CUL1: variants seen among roughly 807,000 people sequenced by gnomAD.
CUL1 encodes the protein cullin-1.
Under a neutral mutation model 118.0 loss-of-function variants are expected in CUL1, and 24 were observed. The ratio of observed to expected loss-of-function variants is 0.20; its 90% CI spans 0.15 to 0.29. The LOEUF (loss-of-function observed/expected upper bound fraction) is 0.29. Ranked by LOEUF, CUL1 falls within the 10% of genes least tolerant of loss-of-function variation. The pLI is 1.00. For synonymous variants in CUL1, 332 were observed against 340.4 expected (o/e 0.98, Z 0.27); for missense variants, 361 against 933.8 (o/e 0.39, Z 7.99).
chr7:148,729,943 C>G lies in CUL1; in HGVS notation c.-161-19C>G, dbSNP rs895663900. ...GTACCCCAGAGACAATCCACTGATT[C>G]TCTTTATTTCTTCCTCAGGTTTGCC... On this transcript the variant is annotated intron_variant, in intron 1 of 21. Transcript: ENST00000325222. 3.4e-5 allele frequency: 23 copies of G among 683,222 alleles called. No homozygotes were observed. In the Admixed American group the frequency reaches 5.8e-4, roughly 17 times the overall value. The allele number at this position is 683,222 out of a possible 1,614,324, so 42.3% of individuals were successfully genotyped here.
At chr7:148,743,565 A>G (rs576328959) in intron 2 of CUL1, among the ~76,000 whole-genome samples, 7 of 152,286 alleles carry the variant, frequency 4.6e-5, no homozygotes, top group African/African-American at 9.6e-5. Context: ...ATCTTATCCT[A>G]TGATTGTGAA....
At chr7:148,773,578 G>A (rs1170806512) in intron 9 of CUL1, among the ~76,000 whole-genome samples, 2 of 152,128 alleles carry the variant, frequency 1.3e-5, no homozygotes, top group Non-Finnish European at 2.9e-5. Flanking sequence ...CTTACCCAGC[G>A]AGGATCTGTG....
intron 4 of CUL1, among the ~76,000 whole-genome samples, chr7:148,758,499 C>T (rs1799731832): frequency 6.6e-6 from 1 of 152,086 alleles, no homozygotes; most frequent in Non-Finnish European, 1.5e-5. Context: ...CACCTATAGT[C>T]CCAGCCACAC....
At chr7:148,717,202 A>C (rs1223320398) in intron 1 of CUL1, among the ~76,000 whole-genome samples, 1 of 151,960 alleles carries the variant, frequency 6.6e-6, no homozygotes, top group Non-Finnish European at 1.5e-5. Context: ...GATTACAGCC[A>C]CCTGCCACCA....
intron 2 of CUL1, among the ~76,000 whole-genome samples, chr7:148,748,910 GAA>G (rs1293139797): frequency 6.6e-6 from 1 of 152,154 alleles, no homozygotes; most frequent in Non-Finnish European, 1.5e-5. Flanking sequence ...GTGGAAAAGA[GAA>G]AATATAACTG....
intron 11 of CUL1, among the ~76,000 whole-genome samples, chr7:148,784,476 T>A (rs1179136951): frequency 1.3e-5 from 2 of 152,244 alleles, no homozygotes; most frequent in Admixed American, 6.5e-5. Flanking sequence ...TACTTTTGAA[T>A]CTTATTTCTC....
At chr7:148,742,373 A>G (rs1055712160) in intron 2 of CUL1, among the ~76,000 whole-genome samples, 1 of 152,130 alleles carries the variant, frequency 6.6e-6, no homozygotes, top group South Asian at 2.1e-4. Flanking sequence ...TTATGCAGGG[A>G]AACTCCCATT....
chr7:148,703,191 C>G (rs1362087809), intron 1 of CUL1, among the ~76,000 whole-genome samples: 1 of 152,194 alleles, frequency 6.6e-6, no homozygotes, highest in African/African-American at 2.4e-5. Flanking sequence ...GATATCTGAT[C>G]ATTATGGCAG....
chr7:148,706,126 T>TATA (rs1004675348), intron 1 of CUL1, among the ~76,000 whole-genome samples: 9 of 152,188 alleles, frequency 5.9e-5, no homozygotes, highest in African/African-American at 2.2e-4. Context: ...AGGCTGTGTG[T>TATA]ATAAGGTCTA....
At chr7:148,791,531 T>C (rs540771043) in intron 16 of CUL1, among the ~76,000 whole-genome samples, 11 of 152,382 alleles carry the variant, frequency 7.2e-5, no homozygotes, top group African/African-American at 2.6e-4. Flanking sequence ...GTACCTGGAA[T>C]TTCAGTGTCC....
At chr7:148,710,188 A>G (rs1463019197) in intron 1 of CUL1, among the ~76,000 whole-genome samples, 2 of 152,032 alleles carry the variant, frequency 1.3e-5, no homozygotes, top group African/African-American at 4.8e-5. Flanking sequence ...AGGGTGACAA[A>G]TAAATACAAA....
intron 2 of CUL1, among the ~76,000 whole-genome samples, chr7:148,737,461 A>G (rs1045694464): frequency 7.9e-5 from 12 of 151,780 alleles, no homozygotes; most frequent in Non-Finnish European, 1.2e-4. Flanking sequence ...CTACAGACGG[A>G]TTATACAGGA....
intron 2 of CUL1, among the ~76,000 whole-genome samples, chr7:148,735,906 C>T (rs369057314): frequency 2.2e-4 from 33 of 151,998 alleles, no homozygotes; most frequent in African/African-American, 7.7e-4. Flanking sequence ...GCCAGCCATG[C>T]TCACGCCTTT....
intron 2 of CUL1, among the ~76,000 whole-genome samples, chr7:148,744,421 TG>T (rs1395726170): frequency 8.8e-5 from 12 of 136,646 alleles, no homozygotes; most frequent in African/African-American, 2.6e-4. Context: ...TGTGTGTGTG[TG>T]TGTGTGTGTG....
intron 7 of CUL1, among the ~76,000 whole-genome samples, chr7:148,762,724 G>C (rs1039808771): frequency 3.3e-5 from 5 of 152,198 alleles, no homozygotes; most frequent in African/African-American, 1.2e-4. Flanking sequence ...TTCTTTTTAT[G>C]GGTTTATTAG....
chr7:148,787,181 G>A lies in CUL1; in HGVS notation c.1479+61G>A. The A allele has an allele frequency of 1.3e-6, 2 of 1,565,144 alleles. No individual in the cohort carries two copies. Among genetic ancestry groups the A allele is most frequent in the Non-Finnish European group, 1.7e-6 (2 of 1,148,576 alleles). On this transcript the variant is annotated intron_variant, in intron 13 of 21. Coordinates refer to ENST00000325222, the MANE Select transcript of CUL1 (RefSeq NM_003592.3). This position sits in a 1 kb window ranked among gnomAD's most constrained non-coding sequence, Gnocchi z 5.5. ...TGAGTCATTATTAAAACAGCTCTATGGCCGAGCGCGGTGGCTCATGCCTGT... is the reference window on the plus strand; with the variant it reads ...TGAGTCATTATTAAAACAGCTCTATAGCCGAGCGCGGTGGCTCATGCCTGT...
At chr7:148,769,192 T>C (rs572816078) in intron 9 of CUL1, among the ~76,000 whole-genome samples, 1 of 152,254 alleles carries the variant, frequency 6.6e-6, no homozygotes, top group Admixed American at 6.5e-5. Flanking sequence ...TTAAATAGAA[T>C]GATAATGCCT....
rs192553544 is a variant in CUL1 at position 148,786,320 on chromosome 7, G to C, written c.1299-231G>C. Among the ~76,000 whole-genome samples the C allele has an allele frequency of 5.3e-3, 804 of 152,280 alleles. 12 individuals carry two copies. Among genetic ancestry groups the C allele is most frequent in the African/African-American group, 0.018 (750 of 41,546 alleles). ...AATGTTTTATAAATATCTCCTGTTG[G>C]TTTTCACCTTGGATATTCTAAATGA... On this transcript the variant is annotated intron_variant, in intron 11 of 21. Coordinates refer to ENST00000325222, the MANE Select transcript of CUL1 (RefSeq NM_003592.3).
At chr7:148,711,245 T>G (rs184754968) in intron 1 of CUL1, among the ~76,000 whole-genome samples, 10 of 152,326 alleles carry the variant, frequency 6.6e-5, no homozygotes, top group Admixed American at 6.5e-4. Context: ...ACTAAAAAGT[T>G]CTTAGTACTT....
Sources: gnomAD v4.1 joint callset for allele counts (sites outside exome capture counted in the v4.1 genomes callset) on GRCh38, gnomAD v4.1.1 for gene constraint, Gnocchi (gnomAD v3.1) non-coding constraint, MANE v1.5 for transcripts, NCBI Gene and HGNC (gene_info 2026-07-23, HGNC 2026-07-21) for gene names.